The following ADGRA3 variants were observed in gnomAD, a reference collection of about 807,000 sequenced individuals.
ADGRA3 encodes the protein G-protein coupled receptor 125.
Under a neutral mutation model 119.8 loss-of-function variants are expected in ADGRA3, and 56 were observed. The ratio of observed to expected loss-of-function variants is 0.47; its 90% CI spans 0.38 to 0.58. ADGRA3 has a LOEUF of 0.58. Among genes scored for constraint, ADGRA3 ranks in the 20% least tolerant of loss-of-function variants. The pLI is 0.00. For synonymous variants in ADGRA3, 607 were observed against 623.8 expected (o/e 0.97, Z 0.40); for missense variants, 1,516 against 1,649.0 (o/e 0.92, Z 1.40).
Position 22,421,071 on chromosome 4 carries a change from G to C in ADGRA3, c.1624C>G (p.Leu542Val). ...GTAGACTTGATGACATAAGCTTCCA[G>C]AGCAATATTGGGTGAATACTTGAAA... ...VYSTYSPNIA[L>V]EAYVIKSTGF... Residue 542 changes from leucine to valine, a missense_variant, in exon 12 of 19, where the codon CTG (leucine) becomes GTG (valine). By Grantham distance (32) the Leu-to-Val change is conservative. Coordinates refer to ENST00000334304, the MANE Select transcript of ADGRA3 (RefSeq NM_145290.4). 6.2e-7 allele frequency: 1 copy of C among 1,613,784 alleles called. No individual in the cohort carries two copies. Among genetic ancestry groups the C allele is most frequent in the Non-Finnish European group, 8.5e-7 (1 of 1,179,786 alleles).
intron 1 of ADGRA3, among the ~76,000 whole-genome samples, chr4:22,486,450 T>A (rs1718435655): frequency 6.6e-6 from 1 of 152,146 alleles, no homozygotes; most frequent in African/African-American, 2.4e-5. Context: ...TTACTTTTAA[T>A]CACAAGGGTA....
intron 8 of ADGRA3, among the ~76,000 whole-genome samples, chr4:22,437,307 C>A (rs1327065560): frequency 2.0e-5 from 3 of 152,098 alleles, no homozygotes; most frequent in Admixed American, 6.5e-5. Flanking sequence ...AGAGCAATGG[C>A]AAACTAGCTG....
At chr4:22,465,288 C>T (rs931556622) in intron 2 of ADGRA3, among the ~76,000 whole-genome samples, 1 of 152,182 alleles carries the variant, frequency 6.6e-6, no homozygotes, top group Admixed American at 6.5e-5. Context: ...ATTTTCAACA[C>T]CATCCCTTCA....
intron 17 of ADGRA3, 128 bp downstream of exon 17, chr4:22,392,417 A>G: frequency 9.3e-7 from 1 of 1,074,222 alleles, no homozygotes; most frequent in South Asian, 1.5e-5. Flanking sequence ...CATTTTCAAA[A>G]CCAGGCAGTC....
chr4:22,496,755 C>A (rs1162014189), intron 1 of ADGRA3, among the ~76,000 whole-genome samples: 1 of 152,180 alleles, frequency 6.6e-6, no homozygotes, highest in African/African-American at 2.4e-5. Flanking sequence ...CTGATATATA[C>A]AAAAGGCCAT....
At position 22,485,135 on chromosome 4, in the gene ADGRA3, G is replaced by C. The variant is rs532513745; in HGVS notation, c.258-11292C>G. ...CTCGCTCTGTCACCCACGCCGGCGT[G>C]AAGTGGTGCCATCTCGGCTCACTGA... On this transcript the variant is annotated intron_variant, in intron 1 of 18. Transcript: ENST00000334304. Among the ~76,000 whole-genome samples, 8 of 152,180 alleles carry C rather than the reference G, an allele frequency of 5.3e-5. No individual in the cohort carries two copies. In the East Asian group the frequency reaches 1.4e-3, roughly 26 times the overall value.
At chr4:22,415,112 C>T (rs1173158896) in intron 12 of ADGRA3, among the ~76,000 whole-genome samples, 1 of 152,140 alleles carries the variant, frequency 6.6e-6, no homozygotes, top group African/African-American at 2.4e-5. Context: ...GTCTGCTCCT[C>T]AAGCCAGAGT....
chr4:22,469,355 A>G (rs2109114277), intron 2 of ADGRA3, among the ~76,000 whole-genome samples: 1 of 152,336 alleles, frequency 6.6e-6, no homozygotes, highest in Middle Eastern at 3.4e-3. Flanking sequence ...GAGAGTGTAC[A>G]CTACTTGTCT....
chr4:22,390,388 TTATATATATATATAAAATACGTATTATA>T (rs748118052), intron 17 of ADGRA3, among the ~76,000 whole-genome samples: 2 of 32,048 alleles, frequency 6.2e-5, no homozygotes, highest in African/African-American at 1.7e-4. Context: ...ATAATACGTA[TTATATATATATATAAAATACGTATTATA>T]TATATATAAT....
At chr4:22,458,088 C>A (rs945987484) in intron 3 of ADGRA3, among the ~76,000 whole-genome samples, 3 of 152,180 alleles carry the variant, frequency 2.0e-5, no homozygotes, top group African/African-American at 7.2e-5. Context: ...TCTAAAAGTT[C>A]TCATACTTTC....
intron 11 of ADGRA3, among the ~76,000 whole-genome samples, chr4:22,422,994 G>A (rs1434941738): frequency 6.6e-6 from 1 of 151,968 alleles, no homozygotes; most frequent in African/African-American, 2.4e-5. Context: ...TCAGGAGTTC[G>A]AGATCAGCCT....
At chr4:22,494,347 C>G (rs1718737504) in intron 1 of ADGRA3, among the ~76,000 whole-genome samples, 1 of 151,906 alleles carries the variant, frequency 6.6e-6, no homozygotes, top group Admixed American at 6.6e-5. Context: ...ATAATCCATC[C>G]CTTGTTTAGC....
Position 22,419,985 on chromosome 4 carries a change from A to G in ADGRA3, c.1809+901T>C, listed in dbSNP as rs986162221. The G allele has an allele frequency of 2.6e-5, 4 of 152,594 alleles. No homozygotes were observed. The East Asian group carries it at 5.8e-4, about 22-fold the overall frequency. The allele number at this position is 152,594 out of a possible 1,614,324, so 9.5% of individuals were successfully genotyped here. On this transcript the variant is annotated intron_variant, in intron 12 of 18. Coordinates refer to ENST00000334304, the MANE Select transcript of ADGRA3 (RefSeq NM_145290.4). ...AGTTGGGATTTTCTAAATTTAGCCA[A>G]TTGGCTCTCTTTAATGGTGGTCACC...
intron 14 of ADGRA3, 30 bp downstream of exon 14, chr4:22,413,152 G>A (rs374821325): frequency 6.7e-7 from 1 of 1,486,962 alleles, no homozygotes; most frequent in Non-Finnish European, 9.4e-7. Flanking sequence ...GTAGAATAGT[G>A]TTTATGCATA....
intron 10 of ADGRA3, among the ~76,000 whole-genome samples, chr4:22,433,342 A>G (rs951112608): frequency 3.9e-5 from 6 of 152,222 alleles, no homozygotes; most frequent in Admixed American, 2.0e-4. Flanking sequence ...TAAAAATGTT[A>G]TATTTCATAA....
chr4:22,506,423 C>T (rs764681714), intron 1 of ADGRA3, among the ~76,000 whole-genome samples: 11 of 152,052 alleles, frequency 7.2e-5, no homozygotes, highest in Non-Finnish European at 1.0e-4. Context: ...CATGGTGGTG[C>T]GTGTCTGTGG....
At chr4:22,408,815 A>G (rs1328664555) in intron 14 of ADGRA3, among the ~76,000 whole-genome samples, 3 of 152,302 alleles carry the variant, frequency 2.0e-5, no homozygotes, top group Middle Eastern at 3.4e-3. Flanking sequence ...AAACATATAC[A>G]TGAGTACTCA....
At chr4:22,491,659 G>A (rs1442300691) in intron 1 of ADGRA3, among the ~76,000 whole-genome samples, 5 of 151,884 alleles carry the variant, frequency 3.3e-5, no homozygotes, top group Middle Eastern at 3.4e-3. Flanking sequence ...TCCTTTAAGC[G>A]AGAATCTCGC....
intron 1 of ADGRA3, among the ~76,000 whole-genome samples, chr4:22,491,944 C>T (rs951944807): frequency 2.6e-5 from 4 of 152,262 alleles, no homozygotes; most frequent in African/African-American, 9.6e-5. Context: ...ATCAGAGTTC[C>T]CAATCGTCAG....
Sources: gnomAD v4.1 joint callset for allele counts (sites outside exome capture counted in the v4.1 genomes callset) on GRCh38, gnomAD v4.1.1 for gene constraint, MANE v1.5 for transcripts, NCBI Gene and HGNC (gene_info 2026-07-23, HGNC 2026-07-21) for gene names.